CAMKMT: variants seen among roughly 807,000 people sequenced by gnomAD.
CAMKMT encodes the protein calmodulin-lysine N-methyltransferase, also known as CaM KMT.
A neutral mutation model predicts 48.0 loss-of-function variants in CAMKMT; 53 were observed. The ratio of observed to expected loss-of-function variants is 1.10; its 90% CI spans 0.89 to 1.39. The LOEUF (loss-of-function observed/expected upper bound fraction) is 1.39, where lower values mean the gene tolerates loss of function less well. CAMKMT is among the 40% of genes most tolerant of loss of function. The pLI, the probability that CAMKMT is intolerant of heterozygous loss-of-function variation, is 0.00. For missense variants in CAMKMT, 428 were observed against 402.7 expected (o/e 1.06, Z -0.54); for synonymous variants, 165 against 152.3 (o/e 1.08, Z -0.61).
intron 3 of CAMKMT, among the ~76,000 whole-genome samples, chr2:44,407,191 G>T (rs146999210): frequency 6.6e-6 from 1 of 152,164 alleles, no homozygotes; most frequent in South Asian, 2.1e-4. Flanking sequence ...TTAGTTTAGA[G>T]CCTGGGGTCT....
intron 3 of CAMKMT, among the ~76,000 whole-genome samples, chr2:44,447,388 A>G (rs1667059213): frequency 6.6e-6 from 1 of 152,220 alleles, no homozygotes; most frequent in Non-Finnish European, 1.5e-5. Flanking sequence ...AAATATTCAT[A>G]ACATTAGTGC....
At chr2:44,527,806 A>G (rs1453717847) in intron 3 of CAMKMT, among the ~76,000 whole-genome samples, 1 of 112,932 alleles carries the variant, frequency 8.9e-6, no homozygotes, top group Admixed American at 1.2e-4. Context: ...CATTATCAAT[A>G]TACTCAATGT....
At chr2:44,389,587 C>T (rs547438856) in intron 2 of CAMKMT, among the ~76,000 whole-genome samples, 10 of 152,046 alleles carry the variant, frequency 6.6e-5, no homozygotes, top group African/African-American at 2.4e-4. Context: ...AACTCAAACT[C>T]TATGACCTAT....
chr2:44,698,313 C>G (rs1281959393), intron 3 of CAMKMT, among the ~76,000 whole-genome samples: 1 of 152,148 alleles, frequency 6.6e-6, no homozygotes, highest in Non-Finnish European at 1.5e-5. Context: ...ATGAATATAC[C>G]TATTCTGGAT....
chr2:44,557,177 A>G (rs144299896), intron 3 of CAMKMT, among the ~76,000 whole-genome samples: 1 of 152,320 alleles, frequency 6.6e-6, no homozygotes, highest in African/African-American at 2.4e-5. Flanking sequence ...ACTAGAAATG[A>G]TAATGGTACT....
At chr2:44,551,105 A>C (rs1205676778) in intron 3 of CAMKMT, among the ~76,000 whole-genome samples, 1 of 139,960 alleles carries the variant, frequency 7.1e-6, no homozygotes, top group Non-Finnish European at 1.6e-5. Context: ...TTCAGGGTAG[A>C]GTACGTGGCA....
At chr2:44,755,185 G>A (rs1680319125) in intron 9 of CAMKMT, among the ~76,000 whole-genome samples, 1 of 152,074 alleles carries the variant, frequency 6.6e-6, no homozygotes, top group African/African-American at 2.4e-5. Flanking sequence ...AGGTGTCTTG[G>A]AGGAGTAGCC....
chr2:44,643,923 G>A (rs185907987), intron 3 of CAMKMT, among the ~76,000 whole-genome samples: 2 of 152,304 alleles, frequency 1.3e-5, no homozygotes, highest in East Asian at 1.9e-4. Flanking sequence ...ACAAACTGTT[G>A]AGATGGTGGT....
chr2:44,685,158 A>G (rs917298286), intron 3 of CAMKMT, among the ~76,000 whole-genome samples: 1 of 152,100 alleles, frequency 6.6e-6, no homozygotes, highest in African/African-American at 2.4e-5. Flanking sequence ...TTTTAATGAA[A>G]CCTTGAAGGT....
At chr2:44,500,309 C>A (rs917105043) in intron 3 of CAMKMT, among the ~76,000 whole-genome samples, 5 of 152,014 alleles carry the variant, frequency 3.3e-5, no homozygotes, top group Admixed American at 6.6e-5. Flanking sequence ...AATTAGCCTC[C>A]CTTTTTAGGA....
chr2:44,636,054 G>T (rs1378478604), intron 3 of CAMKMT, among the ~76,000 whole-genome samples: 3 of 152,134 alleles, frequency 2.0e-5, no homozygotes, highest in Non-Finnish European at 4.4e-5. Context: ...GTATAAGGCA[G>T]TGCTTCTTAA....
chr2:44,768,909 C>T (rs952288818), intron 10 of CAMKMT, among the ~76,000 whole-genome samples: 1 of 152,152 alleles, frequency 6.6e-6, no homozygotes, highest in Non-Finnish European at 1.5e-5. Context: ...TAGAGCGTAA[C>T]CAGCTGGAGG....
At chr2:44,711,053 A>T (rs1445558201) in intron 6 of CAMKMT, among the ~76,000 whole-genome samples, 1 of 152,186 alleles carries the variant, frequency 6.6e-6, no homozygotes. Flanking sequence ...TTTATTTAAT[A>T]CAATCCCTGA....
At position 44,588,143 on chromosome 2, in the gene CAMKMT, T is replaced by A. The variant is rs368187844; in HGVS notation, c.377-116140T>A. Among the ~76,000 whole-genome samples, 3 of 130,306 alleles carry A rather than the reference T, an allele frequency of 2.3e-5. No individual in the cohort carries two copies. In the East Asian group the frequency reaches 6.7e-4, roughly 29 times the overall value. The allele number at this position is 130,306 out of a possible 152,430, so 85.5% of individuals were successfully genotyped here. On this transcript the variant is annotated intron_variant, in intron 3 of 10. Transcript: ENST00000378494. Reference sequence around the variant, plus strand: ...TGCTGGGCCGCAACCCTGTCTGGGATGTGAGGAGCGCCTCTGCCCGGCCGC... The same window carrying A: ...TGCTGGGCCGCAACCCTGTCTGGGAAGTGAGGAGCGCCTCTGCCCGGCCGC...
intron 3 of CAMKMT, among the ~76,000 whole-genome samples, chr2:44,623,014 T>C (rs1171261305): frequency 6.6e-6 from 1 of 152,234 alleles, no homozygotes; most frequent in Non-Finnish European, 1.5e-5. Context: ...TTCTTGACTT[T>C]TTAACAAAAG....
intron 3 of CAMKMT, among the ~76,000 whole-genome samples, chr2:44,585,010 G>A (rs1200896168): frequency 4.0e-5 from 6 of 151,334 alleles, no homozygotes; most frequent in African/African-American, 1.5e-4. Context: ...AGCCGAGATC[G>A]CACCACTGCA....
At chr2:44,655,750 G>A (rs1015605141) in intron 3 of CAMKMT, among the ~76,000 whole-genome samples, 1 of 152,164 alleles carries the variant, frequency 6.6e-6, no homozygotes, top group Non-Finnish European at 1.5e-5. Context: ...GGGAGGCGGG[G>A]AATGAGGCCA....
At chr2:44,558,807 G>T (rs1205269256) in intron 3 of CAMKMT, among the ~76,000 whole-genome samples, 1 of 152,072 alleles carries the variant, frequency 6.6e-6, no homozygotes, top group African/African-American at 2.4e-5. Flanking sequence ...AGAGGTGAGG[G>T]TTCAAAAACT....
At chr2:44,692,270 A>T (rs1676698974) in intron 3 of CAMKMT, among the ~76,000 whole-genome samples, 1 of 151,994 alleles carries the variant, frequency 6.6e-6, no homozygotes, top group Non-Finnish European at 1.5e-5. Flanking sequence ...AAAAAAAAAA[A>T]TTACTCTATG....
Sources: gnomAD v4.1 joint callset for allele counts (sites outside exome capture counted in the v4.1 genomes callset) on GRCh38, gnomAD v4.1.1 for gene constraint, MANE v1.5 for transcripts, NCBI Gene and HGNC (gene_info 2026-07-23, HGNC 2026-07-21) for gene names.